Variants in DMRT1 observed in about 807,000 individuals in gnomAD.
The protein encoded by DMRT1 is doublesex and mab-3 related transcription factor 1.
Under a neutral mutation model 32.3 loss-of-function variants are expected in DMRT1, and 7 were observed. The ratio of observed to expected loss-of-function variants is 0.22; its 90% CI spans 0.12 to 0.41. The LOEUF is 0.41. DMRT1 is among the 10% of genes least tolerant of loss of function. The probability of loss-of-function intolerance (pLI) is 1.00; values close to 1 mark genes in which losing one functional copy is unlikely to be tolerated. For missense variants in DMRT1, 625 were observed against 500.5 expected, an observed-to-expected ratio of 1.25 and a Z score of -2.37; for synonymous variants, 278 against 206.1, an observed-to-expected ratio of 1.35 and a Z score of -2.99.
intron 2 of DMRT1, among the ~76,000 whole-genome samples, chr9:852,178 C>T (rs1009736971): frequency 2.0e-5 from 3 of 151,690 alleles, no homozygotes; most frequent in African/African-American, 2.4e-5. Flanking sequence ...CTCAAGTGAT[C>T]CGCCTGCCTC....
chr9:913,492 A>G (rs939720646), intron 3 of DMRT1, among the ~76,000 whole-genome samples: 5 of 152,162 alleles, frequency 3.3e-5, no homozygotes, highest in African/African-American at 1.2e-4. Flanking sequence ...GTTCTGGGGA[A>G]TTTTGTGTAT....
At chr9:942,163 G>C (rs954149071) in intron 4 of DMRT1, among the ~76,000 whole-genome samples, 1 of 152,044 alleles carries the variant, frequency 6.6e-6, no homozygotes, top group African/African-American at 2.4e-5. Context: ...TTGGAGATGG[G>C]GGGTAAATCT....
At chr9:871,298 A>G (rs1427835217) in intron 2 of DMRT1, among the ~76,000 whole-genome samples, 1 of 149,684 alleles carries the variant, frequency 6.7e-6, no homozygotes, top group Non-Finnish European at 1.5e-5. Context: ...AAGTGCTGGG[A>G]TTACAGGCAT....
intron 2 of DMRT1, among the ~76,000 whole-genome samples, chr9:849,937 C>G (rs184635140): frequency 1.3e-5 from 2 of 152,306 alleles, no homozygotes; most frequent in Non-Finnish European, 2.9e-5. Flanking sequence ...GATACTCCTG[C>G]CTCAGCCTTT....
At chr9:905,170 C>G (rs1487639344) in intron 3 of DMRT1, among the ~76,000 whole-genome samples, 1 of 152,176 alleles carries the variant, frequency 6.6e-6, no homozygotes, top group African/African-American at 2.4e-5. Flanking sequence ...GAGTGCACCC[C>G]CTTACTGCCT....
intron 2 of DMRT1, among the ~76,000 whole-genome samples, chr9:885,288 A>C (rs1816882477): frequency 6.6e-6 from 1 of 152,156 alleles, no homozygotes; most frequent in South Asian, 2.1e-4. Context: ...GCCTTATTGC[A>C]AGGATAGAGG....
intron 4 of DMRT1, among the ~76,000 whole-genome samples, chr9:949,017 C>G (rs536058452): frequency 1.3e-5 from 2 of 151,578 alleles, no homozygotes; most frequent in East Asian, 3.9e-4. Flanking sequence ...CACTTGAATC[C>G]GGGAGGCAGA....
chr9:967,680 A>G (rs544714837), intron 4 of DMRT1, among the ~76,000 whole-genome samples: 92 of 152,296 alleles, frequency 6.0e-4, no homozygotes, highest in African/African-American at 2.1e-3. Flanking sequence ...AAGGGTGGAA[A>G]TAGTTTCCCA....
intron 2 of DMRT1, among the ~76,000 whole-genome samples, chr9:868,361 T>G (rs1816082516): frequency 6.6e-6 from 1 of 152,252 alleles, no homozygotes; most frequent in Admixed American, 6.5e-5. Context: ...GCCTCAGCTT[T>G]CTGTCTCTGA....
chr9:908,873 C>G (rs1197923636), intron 3 of DMRT1, among the ~76,000 whole-genome samples: 1 of 152,146 alleles, frequency 6.6e-6, no homozygotes, highest in East Asian at 1.9e-4. Flanking sequence ...GGAGAGCTTT[C>G]GTTTGGAAAA....
intron 3 of DMRT1, among the ~76,000 whole-genome samples, chr9:908,314 T>C (rs1040254822): frequency 5.9e-5 from 9 of 151,932 alleles, no homozygotes; most frequent in African/African-American, 1.7e-4. Flanking sequence ...AAAATTTAGC[T>C]GGTCTTGGTG....
At chr9:884,777 C>G (rs1254788962) in intron 2 of DMRT1, among the ~76,000 whole-genome samples, 2 of 152,238 alleles carry the variant, frequency 1.3e-5, no homozygotes, top group South Asian at 2.1e-4. Flanking sequence ...CGAGACCAGC[C>G]TGGCCAACAT....
At chr9:909,133 C>T (rs1426327393) in intron 3 of DMRT1, among the ~76,000 whole-genome samples, 2 of 151,944 alleles carry the variant, frequency 1.3e-5, no homozygotes, top group East Asian at 1.9e-4. Context: ...GCAAGGTGAG[C>T]GCAGGAGAGG....
chr9:870,894 T>G (rs375901937), intron 2 of DMRT1, among the ~76,000 whole-genome samples: 3 of 151,904 alleles, frequency 2.0e-5, no homozygotes, highest in African/African-American at 4.8e-5. Flanking sequence ...TTTGTGTGTA[T>G]GTAGAAACAG....
intron 1 of DMRT1, among the ~76,000 whole-genome samples, 192 bp from the exon 2 acceptor site, chr9:846,768 C>T (rs1468647066): frequency 6.6e-6 from 1 of 152,168 alleles, no homozygotes; most frequent in Non-Finnish European, 1.5e-5. Flanking sequence ...TGAGCACCTA[C>T]TGTCTGGCTC....
At chr9:899,272 C>G (rs973987459) in intron 3 of DMRT1, among the ~76,000 whole-genome samples, 1 of 151,860 alleles carries the variant, frequency 6.6e-6, no homozygotes, top group African/African-American at 2.4e-5. Context: ...TAGTGGAGAT[C>G]GTCATAACTT....
intron 1 of DMRT1, among the ~76,000 whole-genome samples, chr9:846,258 C>A (rs1285685691): frequency 6.6e-6 from 1 of 152,098 alleles, no homozygotes; most frequent in African/African-American, 2.4e-5. Flanking sequence ...ATCTCGAACT[C>A]CTGACCTCCG....
At chr9:878,261 C>T (rs993321904) in intron 2 of DMRT1, among the ~76,000 whole-genome samples, 2 of 132,878 alleles carry the variant, frequency 1.5e-5, no homozygotes, top group East Asian at 2.5e-4. Context: ...AGTGGCTGCA[C>T]TTCTCAAAAG....
chr9:857,479 A>G (rs992427009), intron 2 of DMRT1, among the ~76,000 whole-genome samples: 2 of 152,210 alleles, frequency 1.3e-5, no homozygotes, highest in South Asian at 2.1e-4. Flanking sequence ...CTGTAGCTGT[A>G]TTATTGGTTG....
Sources: allele counts gnomAD v4.1 joint callset (sites outside exome capture counted in the v4.1 genomes callset), GRCh38; gene constraint gnomAD v4.1.1; transcripts MANE v1.5; gene names NCBI Gene and HGNC (gene_info 2026-07-23, HGNC 2026-07-21).